Variants in CDH12 observed in about 807,000 individuals in gnomAD.
CDH12 encodes the protein cadherin-12.
A neutral mutation model predicts 74.1 loss-of-function variants in CDH12; 41 were observed. That is an observed-to-expected ratio of 0.55 (90% CI 0.43 to 0.72). The LOEUF is 0.72. Among genes scored for constraint, CDH12 ranks in the 30% least tolerant of loss-of-function variants. The probability of loss-of-function intolerance (pLI) is 0.00; values close to 1 mark genes in which losing one functional copy is unlikely to be tolerated. For synonymous variants in CDH12, 399 were observed against 355.0 expected (o/e 1.12, Z -1.39); for missense variants, 945 against 977.2 (o/e 0.97, Z 0.44).
intron 2 of CDH12, among the ~76,000 whole-genome samples, chr5:22,468,194 T>C (rs764178967): frequency 2.0e-5 from 3 of 152,192 alleles, no homozygotes; most frequent in Non-Finnish European, 4.4e-5. Flanking sequence ...ACTAAAGTAA[T>C]TGGTATCTAA....
chr5:21,903,924 A>G (rs2150056722), intron 6 of CDH12, among the ~76,000 whole-genome samples: 1 of 152,232 alleles, frequency 6.6e-6, no homozygotes, highest in South Asian at 2.1e-4. Context: ...CATCAACGAC[A>G]TCATTCCCAA....
Position 22,700,403 on chromosome 5 carries a change from C to T in CDH12, c.-523+152655G>A, listed in dbSNP as rs145850123. Reference sequence around the variant, plus strand: ...AAGAATCTTCCCCTCACCACATGGGCATGTGTCAAGGCATGGCTGCCTATA... The same window carrying T: ...AAGAATCTTCCCCTCACCACATGGGTATGTGTCAAGGCATGGCTGCCTATA... On this transcript the variant is annotated intron_variant, in intron 1 of 14. Coordinates refer to ENST00000382254, the MANE Select transcript of CDH12 (RefSeq NM_004061.5). Among the ~76,000 whole-genome samples the T allele has an allele frequency of 3.7e-3, 571 of 152,270 alleles. 3 individuals are homozygous for T. Among genetic ancestry groups the T allele is most frequent in the Non-Finnish European group, 6.3e-3 (430 of 68,026 alleles).
At chr5:22,475,996 G>A (rs1038550343) in intron 2 of CDH12, among the ~76,000 whole-genome samples, 6 of 151,920 alleles carry the variant, frequency 3.9e-5, no homozygotes, top group African/African-American at 1.4e-4. Context: ...TCCTCTGCTA[G>A]TATATTTTAT....
chr5:22,134,362 A>G (rs71609214), intron 4 of CDH12, among the ~76,000 whole-genome samples: 13 of 152,166 alleles, frequency 8.5e-5, no homozygotes, highest in African/African-American at 2.9e-4. Context: ...GTCTCATTCA[A>G]ATAATCCCAC....
At chr5:22,492,269 A>T (rs562103618) in intron 2 of CDH12, among the ~76,000 whole-genome samples, 10 of 152,242 alleles carry the variant, frequency 6.6e-5, no homozygotes, top group African/African-American at 2.2e-4. Context: ...GTAAGAAAAC[A>T]GCAGGACTTT....
At chr5:22,163,448 A>G (rs1489613859) in intron 4 of CDH12, among the ~76,000 whole-genome samples, 2 of 152,168 alleles carry the variant, frequency 1.3e-5, no homozygotes, top group Admixed American at 6.5e-5. Context: ...TGCACCTTCA[A>G]TCCATGAACA....
intron 10 of CDH12, among the ~76,000 whole-genome samples, chr5:21,798,385 T>C (rs1388618858): frequency 6.6e-6 from 1 of 151,976 alleles, no homozygotes; most frequent in African/African-American, 2.4e-5. Context: ...ATTCAGTGAG[T>C]AAATTGGTTA....
chr5:22,342,284 G>T (rs190086656), intron 3 of CDH12, among the ~76,000 whole-genome samples: 216 of 152,264 alleles, frequency 1.4e-3, no homozygotes, highest in African/African-American at 4.9e-3. Context: ...AGAGAAATGA[G>T]GAAAGTGTTC....
At chr5:21,880,616 C>CTTCCTTCTTTCT (rs758455941) in intron 6 of CDH12, among the ~76,000 whole-genome samples, 3 of 50,862 alleles carry the variant, frequency 5.9e-5, no homozygotes, top group Admixed American at 2.4e-4. Flanking sequence ...TCCTTCCTTC[C>CTTCCTTCTTTCT]TTCTTTCTTT....
chr5:22,698,372 C>T lies in CDH12; in HGVS notation c.-523+154686G>A, dbSNP rs1035694182. 1.1e-4 allele frequency among the ~76,000 whole-genome samples: 17 copies of T among 151,388 alleles called. 1 individual carries two copies. Among genetic ancestry groups the T allele is most frequent in the Admixed American group, 7.2e-4 (11 of 15,182 alleles). On this transcript the variant is annotated intron_variant, in intron 1 of 14. Transcript: ENST00000382254. ...CTGACCTCAAGTAATCCGCCCACCT[C>T]GGCCTCCCAAAATGCTGGGATTACA...
chr5:22,820,817 C>T (rs6883867), intron 1 of CDH12, among the ~76,000 whole-genome samples: 6,131 of 151,838 alleles, frequency 0.04, 409 homozygotes, highest in African/African-American at 0.14. Flanking sequence ...AAGGAGGAAC[C>T]GGTACCATTC....
intron 8 of CDH12, among the ~76,000 whole-genome samples, chr5:21,823,266 T>C (rs371752254): frequency 2.6e-5 from 4 of 152,058 alleles, no homozygotes; most frequent in South Asian, 2.1e-4. Flanking sequence ...GACAATACCA[T>C]TGGGTTCTGT....
chr5:22,630,382 C>A (rs187462577), intron 1 of CDH12, among the ~76,000 whole-genome samples: 23 of 152,142 alleles, frequency 1.5e-4, no homozygotes, highest in African/African-American at 5.3e-4. Context: ...ACCACATTAT[C>A]CAACTTCGAA....
chr5:22,083,720 C>A (rs1224725265), intron 4 of CDH12, among the ~76,000 whole-genome samples: 1 of 152,050 alleles, frequency 6.6e-6, no homozygotes. Context: ...ACATAGCAGG[C>A]AGGCTTGAAT....
intron 1 of CDH12, among the ~76,000 whole-genome samples, chr5:22,533,610 CAAAT>C (rs1451040000): frequency 6.6e-6 from 1 of 152,022 alleles, no homozygotes. Flanking sequence ...TATTGACAAA[CAAAT>C]AAATAAAACA....
At chr5:21,999,001 C>T (rs188233277) in intron 5 of CDH12, among the ~76,000 whole-genome samples, 41 of 152,256 alleles carry the variant, frequency 2.7e-4, no homozygotes, top group Non-Finnish European at 4.1e-4. Context: ...TTTGCCTTAA[C>T]GGTCTCCGTT....
intron 1 of CDH12, among the ~76,000 whole-genome samples, chr5:22,671,055 A>G (rs976442948): frequency 2.0e-5 from 3 of 151,954 alleles, no homozygotes; most frequent in Non-Finnish European, 1.5e-5. Flanking sequence ...TGACAAAACT[A>G]TAACAGAACT....
chr5:22,618,993 CTG>C (rs1420295054), intron 1 of CDH12, among the ~76,000 whole-genome samples: 2 of 152,112 alleles, frequency 1.3e-5, no homozygotes, highest in Non-Finnish European at 2.9e-5. Context: ...CCATGTGGAA[CTG>C]TGAGTTCATT....
At chr5:22,666,282 C>CCT (rs1740610193) in intron 1 of CDH12, among the ~76,000 whole-genome samples, 1 of 83,542 alleles carries the variant, frequency 1.2e-5, no homozygotes, top group African/African-American at 4.7e-5. Context: ...ATCTCTCTAT[C>CCT]TTTTTTTTTT....
Sources: allele counts gnomAD v4.1 joint callset (sites outside exome capture counted in the v4.1 genomes callset), GRCh38; gene constraint gnomAD v4.1.1; transcripts MANE v1.5; gene names NCBI Gene and HGNC (gene_info 2026-07-23, HGNC 2026-07-21).